The following PKHD1 variants were observed in gnomAD, a reference collection of about 807,000 sequenced individuals.
PKHD1 encodes the protein PKHD1 ciliary IPT domain containing fibrocystin/polyductin.
A neutral mutation model predicts 412.0 loss-of-function variants in PKHD1; 291 were observed. The ratio of observed to expected loss-of-function variants is 0.71; its 90% CI spans 0.64 to 0.78. PKHD1 has a LOEUF of 0.78. PKHD1 is among the 30% of genes least tolerant of loss of function. PKHD1 has a pLI of 0.00. For missense variants in PKHD1, 4,825 were observed against 4,950.7 expected (o/e 0.97, Z 0.76); for synonymous variants, 1,777 against 1,821.5 (o/e 0.98, Z 0.62).
At chr6:52,085,123 T>G (rs920795436) in intron 1 of PKHD1, 106 bp from the exon 2 acceptor site, 7 of 568,896 alleles carry the variant, frequency 1.2e-5, no homozygotes, top group African/African-American at 1.1e-4. Flanking sequence ...AAACATGGCC[T>G]TAGTGTCTTC....
At chr6:51,851,445 T>C (rs1772224531) in intron 49 of PKHD1, among the ~76,000 whole-genome samples, 2 of 152,232 alleles carry the variant, frequency 1.3e-5, no homozygotes, top group African/African-American at 2.4e-5. Flanking sequence ...TCCTTTTCAA[T>C]TGTTTGGAAT....
chr6:51,883,240 G>A lies in PKHD1; in HGVS notation c.7216-13C>T. On this transcript the variant is annotated splice_polypyrimidine_tract_variant and intron_variant, in intron 45 of 66. Coordinates refer to ENST00000371117, the MANE Select transcript of PKHD1 (RefSeq NM_138694.4). Reference sequence around the variant, plus strand: ...TACTTCTAAAAATCTATAAAATACAGCATGTTACAGCAAAGGTCTGAGGCT... The same window carrying A: ...TACTTCTAAAAATCTATAAAATACAACATGTTACAGCAAAGGTCTGAGGCT... The A allele has an allele frequency of 1.2e-6, 2 of 1,611,704 alleles. No individual in the cohort carries two copies. The highest frequency in any genetic ancestry group is 2.2e-5 in the South Asian group (2 of 91,042).
At chr6:51,899,995 C>A (rs999365008) in intron 43 of PKHD1, among the ~76,000 whole-genome samples, 4 of 152,034 alleles carry the variant, frequency 2.6e-5, no homozygotes, top group Middle Eastern at 3.4e-3. Context: ...GAACTACAAA[C>A]CACTGCTCAA....
intron 52 of PKHD1, among the ~76,000 whole-genome samples, chr6:51,818,987 A>G (rs1042276258): frequency 6.6e-6 from 1 of 152,230 alleles, no homozygotes; most frequent in Non-Finnish European, 1.5e-5. Flanking sequence ...TTTAATAAAA[A>G]TAATAATTTT....
intron 60 of PKHD1, among the ~76,000 whole-genome samples, chr6:51,704,352 A>G (rs559619382): frequency 1.3e-5 from 2 of 152,162 alleles, no homozygotes; most frequent in Admixed American, 6.6e-5. Context: ...CAAATGTTAT[A>G]CCAATGAACT....
intron 36 of PKHD1, among the ~76,000 whole-genome samples, chr6:51,940,317 A>T (rs1166492681): frequency 6.6e-6 from 1 of 151,736 alleles, no homozygotes; most frequent in African/African-American, 2.4e-5. Context: ...GCCAAGTAGC[A>T]ATGTATTTCT....
chr6:52,082,426 A>T lies in PKHD1; in HGVS notation c.247T>A (p.Phe83Ile). 1 of 1,614,138 alleles carries T rather than the reference A, an allele frequency of 6.2e-7. No homozygotes were observed. Residue 83 changes from phenylalanine to isoleucine, a missense_variant, in exon 4 of 67, where the codon TTC (phenylalanine) becomes ATC (isoleucine). Physicochemically the swap from Phe to Ile is conservative, Grantham distance 21. Transcript: ENST00000371117. ...RSVPCDVFPV[F>I]LDLPVVTCRT... is the part of the protein sequence containing the mutation. ...CATGTCACCACAGGCAAATCCAAGA[A>T]AACAGGAAAGACGTCACAGGGAACA...
intron 60 of PKHD1, among the ~76,000 whole-genome samples, chr6:51,680,660 A>G (rs544172038): frequency 2.2e-4 from 34 of 152,084 alleles, no homozygotes; most frequent in Non-Finnish European, 4.6e-4. Context: ...AACATGAACA[A>G]TAATTTCCTA....
intron 60 of PKHD1, among the ~76,000 whole-genome samples, chr6:51,714,778 G>T (rs941811995): frequency 1.4e-4 from 22 of 151,958 alleles, no homozygotes; most frequent in African/African-American, 5.3e-4. Context: ...TGAATGTTTT[G>T]TTATCTATTT....
At chr6:52,073,104 G>A (rs1415199799) in intron 7 of PKHD1, among the ~76,000 whole-genome samples, 26 of 152,164 alleles carry the variant, frequency 1.7e-4, no homozygotes, top group Admixed American at 1.6e-3. Flanking sequence ...AAATAAGAAA[G>A]TTATAATGGG....
chr6:51,696,657 A>T (rs1029626144), intron 60 of PKHD1, among the ~76,000 whole-genome samples: 1 of 152,182 alleles, frequency 6.6e-6, no homozygotes, highest in Admixed American at 6.5e-5. Flanking sequence ...GTTTAATAGG[A>T]TCAACAGCTA....
chr6:51,792,675 T>C (rs1793944404), intron 52 of PKHD1, among the ~76,000 whole-genome samples: 1 of 152,220 alleles, frequency 6.6e-6, no homozygotes. Flanking sequence ...GTTCCATAAA[T>C]TCTGTATGCC....
Position 52,070,458 on chromosome 6 carries a change from G to T in PKHD1, c.668-13C>A. ...ACATTCTGGGAGCCTGTAACACAAA[G>T]AAACACACATTAACTCAGGAATCTG... On this transcript the variant is annotated splice_polypyrimidine_tract_variant and intron_variant, in intron 9 of 66. Coordinates refer to ENST00000371117, the MANE Select transcript of PKHD1 (RefSeq NM_138694.4). 6.2e-7 allele frequency: 1 copy of T among 1,605,068 alleles called. No homozygotes were observed. Among genetic ancestry groups the T allele is most frequent in the Non-Finnish European group, 8.5e-7 (1 of 1,172,222 alleles).
Position 51,898,737 on chromosome 6 carries a change from G to T in PKHD1, c.6996+4860C>A, listed in dbSNP as rs1386303665. ...TAATGAATCCAGGAGCTGGTTTTTT[G>T]AAAGGATCAACAAAATAGATAGACT... On this transcript the variant is annotated intron_variant, in intron 43 of 66. Transcript: ENST00000371117. 2.6e-4 allele frequency among the ~76,000 whole-genome samples: 36 copies of T among 136,574 alleles called. No individual in the cohort carries two copies. The East Asian group carries it at 7.1e-3, about 27-fold the overall frequency. The allele number at this position is 136,574 out of a possible 152,430, so 89.6% of individuals were successfully genotyped here.
chr6:51,626,112 GCA>G (rs139345658), intron 66 of PKHD1, among the ~76,000 whole-genome samples: 31 of 151,090 alleles, frequency 2.1e-4, no homozygotes, highest in Middle Eastern at 3.4e-3. Context: ...ATGTGTGCAT[GCA>G]CACACACACA....
At chr6:51,793,657 C>T (rs761373635) in intron 52 of PKHD1, among the ~76,000 whole-genome samples, 8 of 152,166 alleles carry the variant, frequency 5.3e-5, no homozygotes, top group Non-Finnish European at 8.8e-5. Flanking sequence ...AGGATAATGG[C>T]CTCCAGCTCC....
chr6:51,744,994 T>G (rs1406820218), intron 59 of PKHD1, among the ~76,000 whole-genome samples: 2 of 152,122 alleles, frequency 1.3e-5, no homozygotes, highest in African/African-American at 4.8e-5. Flanking sequence ...CTGGGTAACA[T>G]GATGGTAATA....
At position 51,643,742 on chromosome 6, in the gene PKHD1, G is replaced by A. The variant is rs571086546; in HGVS notation, c.11398+4289C>T. 4.6e-5 allele frequency among the ~76,000 whole-genome samples: 7 copies of A among 151,946 alleles called. No individual in the cohort carries two copies. In the South Asian group the frequency reaches 8.3e-4, roughly 18 times the overall value. On this transcript the variant is annotated intron_variant, in intron 63 of 66. Coordinates refer to ENST00000371117, the MANE Select transcript of PKHD1 (RefSeq NM_138694.4). The stretch of plus-strand genomic sequence containing the variant: ...TGTACAGAACATGCAGGTTTGTTAC[G>A]TAGGCAAACATGCGCCGTGGTGGTT...
chr6:52,069,328 G>C, intron 11 of PKHD1, 129 bp downstream of exon 11: 1 of 773,032 alleles, frequency 1.3e-6, no homozygotes, highest in Non-Finnish European at 2.4e-6. Flanking sequence ...AAAAACACCA[G>C]GCTGTCTATG....
Sources: allele counts gnomAD v4.1 joint callset (sites outside exome capture counted in the v4.1 genomes callset), GRCh38; gene constraint gnomAD v4.1.1; transcripts MANE v1.5; gene names NCBI Gene and HGNC (gene_info 2026-07-23, HGNC 2026-07-21).